The following FHIT variants were observed in gnomAD, a reference collection of about 807,000 sequenced individuals.
FHIT encodes bis(5'-adenosyl)-triphosphatase.
A neutral mutation model predicts 17.9 loss-of-function variants in FHIT; 19 were observed. The observed-to-expected ratio is 1.06, with a 90% CI of 0.74 to 1.56. The LOEUF (loss-of-function observed/expected upper bound fraction) is 1.56, where lower values mean the gene tolerates loss of function less well. Among genes scored for constraint, FHIT ranks in the 40% most tolerant of loss-of-function variants. The probability of loss-of-function intolerance (pLI) is 0.00; values close to 1 mark genes in which losing one functional copy is unlikely to be tolerated. For synonymous variants in FHIT, 81 were observed against 69.7 expected (o/e 1.16, Z -0.81); for missense variants, 248 against 189.2 (o/e 1.31, Z -1.82).
At chr3:60,977,505 C>T (rs1710311781) in intron 3 of FHIT, among the ~76,000 whole-genome samples, 1 of 152,150 alleles carries the variant, frequency 6.6e-6, no homozygotes, top group Non-Finnish European at 1.5e-5. Flanking sequence ...GCTCAGTTTT[C>T]CAAACAATTG....
At chr3:60,522,110 T>TTTG (rs1327853992) in intron 5 of FHIT, among the ~76,000 whole-genome samples, 9 of 150,244 alleles carry the variant, frequency 6.0e-5, no homozygotes, top group Non-Finnish European at 1.3e-4. Flanking sequence ...CCAGAAGTTT[T>TTTG]TTTTTTTTTT....
chr3:60,596,672 A>G (rs528826989), intron 4 of FHIT, among the ~76,000 whole-genome samples: 5 of 152,212 alleles, frequency 3.3e-5, no homozygotes, highest in Non-Finnish European at 7.4e-5. Context: ...CTTGTGGGTA[A>G]TGGCTAAATC....
At chr3:59,829,575 G>A (rs1030540464) in intron 8 of FHIT, among the ~76,000 whole-genome samples, 3 of 152,136 alleles carry the variant, frequency 2.0e-5, no homozygotes, top group Non-Finnish European at 4.4e-5. Context: ...AACTGGATTC[G>A]GTGGTATGGA....
At chr3:60,186,089 C>G (rs914113684) in intron 5 of FHIT, among the ~76,000 whole-genome samples, 17 of 152,096 alleles carry the variant, frequency 1.1e-4, no homozygotes, top group African/African-American at 3.6e-4. Context: ...CTCCCAGACT[C>G]TGGCTTGGCT....
chr3:60,448,920 T>A, intron 5 of FHIT, among the ~76,000 whole-genome samples: 1 of 152,256 alleles, frequency 6.6e-6, no homozygotes, highest in African/African-American at 2.4e-5. Flanking sequence ...TAAATTCCTA[T>A]GGGGCTAAGA....
At chr3:60,802,382 A>C (rs1701222972) in intron 4 of FHIT, among the ~76,000 whole-genome samples, 1 of 152,160 alleles carries the variant, frequency 6.6e-6, no homozygotes. Context: ...CAGATCCACC[A>C]CTATACTGTC....
At chr3:60,391,741 T>C (rs1484640908) in intron 5 of FHIT, among the ~76,000 whole-genome samples, 1 of 152,140 alleles carries the variant, frequency 6.6e-6, no homozygotes, top group Non-Finnish European at 1.5e-5. Context: ...ATGATGTTCA[T>C]ACAATGATGA....
chr3:60,981,795 G>A (rs970392238), intron 3 of FHIT, among the ~76,000 whole-genome samples: 1 of 151,350 alleles, frequency 6.6e-6, no homozygotes, highest in Non-Finnish European at 1.5e-5. Context: ...AAGAGATGGG[G>A]TCTTGCCATG....
intron 5 of FHIT, among the ~76,000 whole-genome samples, chr3:60,090,141 C>T (rs2107089490): frequency 6.6e-6 from 1 of 152,188 alleles, no homozygotes; most frequent in Non-Finnish European, 1.5e-5. Flanking sequence ...CTGCCCCCCA[C>T]CCCACGTACA....
At chr3:60,347,458 GCAT>G (rs1242991462) in intron 5 of FHIT, among the ~76,000 whole-genome samples, 6 of 152,056 alleles carry the variant, frequency 3.9e-5, no homozygotes, top group Non-Finnish European at 8.8e-5. Flanking sequence ...AAAAAAGGAA[GCAT>G]CAACTTAGCA....
chr3:61,130,218 C>T (rs1470159601), intron 2 of FHIT, among the ~76,000 whole-genome samples: 2 of 152,108 alleles, frequency 1.3e-5, no homozygotes, highest in Admixed American at 6.6e-5. Context: ...GAAAAAGAAA[C>T]GTCTGCTACC....
At chr3:60,494,205 T>C (rs1027483328) in intron 5 of FHIT, among the ~76,000 whole-genome samples, 1 of 152,222 alleles carries the variant, frequency 6.6e-6, no homozygotes, top group African/African-American at 2.4e-5. Flanking sequence ...ACAGCCATTC[T>C]ACATTCCCCA....
At chr3:60,208,337 A>G (rs992348209) in intron 5 of FHIT, among the ~76,000 whole-genome samples, 1 of 152,138 alleles carries the variant, frequency 6.6e-6, no homozygotes, top group Non-Finnish European at 1.5e-5. Flanking sequence ...TCCTTTGCCA[A>G]ATCAGAGGTA....
chr3:60,638,697 C>T (rs1003343734), intron 4 of FHIT, among the ~76,000 whole-genome samples: 2 of 151,826 alleles, frequency 1.3e-5, no homozygotes, highest in Admixed American at 6.6e-5. Context: ...ATTAATGTTA[C>T]TATCATAGGG....
At chr3:60,443,512 C>A (rs1341975421) in intron 5 of FHIT, among the ~76,000 whole-genome samples, 1 of 152,128 alleles carries the variant, frequency 6.6e-6, no homozygotes, top group Non-Finnish European at 1.5e-5. Context: ...AAGGCCTTTT[C>A]TGCATGTATT....
intron 7 of FHIT, among the ~76,000 whole-genome samples, chr3:60,005,306 G>A (rs1055269928): frequency 1.8e-4 from 12 of 67,224 alleles, no homozygotes; most frequent in Admixed American, 3.4e-4. Flanking sequence ...AACTAGAAAC[G>A]GAAAAACTCA....
At chr3:60,258,750 T>C (rs1299097529) in intron 5 of FHIT, among the ~76,000 whole-genome samples, 1 of 152,082 alleles carries the variant, frequency 6.6e-6, no homozygotes, top group Non-Finnish European at 1.5e-5. Context: ...TCTTTTTCTA[T>C]GTTGGTTTGA....
chr3:60,911,756 A>C (rs1706756140), intron 3 of FHIT, among the ~76,000 whole-genome samples: 1 of 152,188 alleles, frequency 6.6e-6, no homozygotes, highest in East Asian at 1.9e-4. Flanking sequence ...TCTGATGAAA[A>C]CCTCTAACAG....
intron 2 of FHIT, among the ~76,000 whole-genome samples, chr3:61,094,485 T>C (rs1040344042): frequency 1.3e-5 from 2 of 152,126 alleles, no homozygotes; most frequent in African/African-American, 4.8e-5. Context: ...ACTCAACACA[T>C]AGTATAGAAG....
Sources: allele counts gnomAD v4.1 joint callset (sites outside exome capture counted in the v4.1 genomes callset), GRCh38; gene constraint gnomAD v4.1.1; transcripts MANE v1.5; gene names NCBI Gene and HGNC (gene_info 2026-07-23, HGNC 2026-07-21).